KLHL29: variants seen among roughly 807,000 people sequenced by gnomAD.
The protein encoded by KLHL29 is kelch-like protein 29.
KLHL29 carries 21 observed loss-of-function variants against 80.4 expected under a neutral mutation model. The observed-to-expected ratio is 0.26, with a 90% CI of 0.19 to 0.38. The LOEUF (loss-of-function observed/expected upper bound fraction) is 0.38. Among genes scored for constraint, KLHL29 ranks in the 10% least tolerant of loss-of-function variants. The pLI is 1.00. For synonymous variants in KLHL29, 511 were observed against 526.8 expected (o/e 0.97, Z 0.41); for missense variants, 867 against 1,223.9 (o/e 0.71, Z 4.35).
intron 2 of KLHL29, among the ~76,000 whole-genome samples, chr2:23,518,805 C>T (rs1381119368): frequency 6.6e-6 from 1 of 152,248 alleles, no homozygotes; most frequent in Non-Finnish European, 1.5e-5. Flanking sequence ...CACCCCACAG[C>T]TGTCCCTTTC....
chr2:23,556,593 C>T (rs1002942883), intron 2 of KLHL29, among the ~76,000 whole-genome samples: 5 of 151,438 alleles, frequency 3.3e-5, no homozygotes, highest in East Asian at 1.9e-4. Context: ...TTGGAGGTTG[C>T]GGTGAGCTGA....
At chr2:23,470,857 A>C (rs948899526) in intron 1 of KLHL29, among the ~76,000 whole-genome samples, 1 of 152,206 alleles carries the variant, frequency 6.6e-6, no homozygotes, top group Non-Finnish European at 1.5e-5. Context: ...ACTGTCGTGA[A>C]CCTGATGGAT....
intron 3 of KLHL29, among the ~76,000 whole-genome samples, chr2:23,613,636 C>T (rs1316100941): frequency 6.6e-5 from 10 of 151,740 alleles, no homozygotes; most frequent in Admixed American, 2.6e-4. Flanking sequence ...TGGTGGCACG[C>T]GCCTGTAATC....
chr2:23,470,289 A>G (rs1349092621), intron 1 of KLHL29, among the ~76,000 whole-genome samples: 1 of 152,122 alleles, frequency 6.6e-6, no homozygotes, highest in Non-Finnish European at 1.5e-5. Flanking sequence ...TTGCCTGGAA[A>G]GTTTCGTACT....
intron 3 of KLHL29, among the ~76,000 whole-genome samples, chr2:23,564,517 G>C (rs890203620): frequency 6.6e-6 from 1 of 152,214 alleles, no homozygotes; most frequent in Non-Finnish European, 1.5e-5. Context: ...ATTAAGCCCT[G>C]GTCCCTTGGT....
intron 1 of KLHL29, among the ~76,000 whole-genome samples, chr2:23,440,531 G>A (rs898993023): frequency 6.6e-6 from 1 of 152,108 alleles, no homozygotes; most frequent in Non-Finnish European, 1.5e-5. Context: ...TACCATCAGA[G>A]TGAACAGGCA....
At chr2:23,508,481 C>G (rs550196818) in intron 2 of KLHL29, among the ~76,000 whole-genome samples, 1 of 152,354 alleles carries the variant, frequency 6.6e-6, no homozygotes, top group East Asian at 1.9e-4. Context: ...GCTGTGCTGC[C>G]TTTGAGGACT....
rs771459787 is a variant in KLHL29 at position 23,643,053 on chromosome 2, CA to C, written c.940+206del. 4 of 721,912 alleles carry C rather than the reference CA, an allele frequency of 5.5e-6. No individual in the cohort carries two copies. The South Asian group carries it at 6.0e-5, about 11-fold the overall frequency. The allele number at this position is 721,912 out of a possible 1,614,324, so 44.7% of individuals were successfully genotyped here. On this transcript the variant is annotated intron_variant, in intron 5 of 13. Coordinates refer to ENST00000486442, the MANE Select transcript of KLHL29 (RefSeq NM_052920.2). ...GAGGGGGAAGGTGTGGAGGGCGGGA[CA>C]AACAAAGTGGGAAAATGCGCCGGGG...
intron 1 of KLHL29, among the ~76,000 whole-genome samples, chr2:23,422,205 AGT>A (rs768973546): frequency 2.2e-4 from 32 of 143,206 alleles, no homozygotes; most frequent in Non-Finnish European, 1.1e-4. Flanking sequence ...TCTGTATGCC[AGT>A]GTGTCTATGT....
intron 3 of KLHL29, chr2:23,616,808 C>T (rs946016933): frequency 6.6e-6 from 1 of 152,238 alleles, no homozygotes; most frequent in African/African-American, 2.4e-5. Flanking sequence ...GTGACTCTGG[C>T]ACCGTTCCCG....
At chr2:23,569,326 A>G (rs1667662275) in intron 3 of KLHL29, among the ~76,000 whole-genome samples, 2 of 152,184 alleles carry the variant, frequency 1.3e-5, no homozygotes, top group Non-Finnish European at 1.5e-5. Flanking sequence ...ACAGATTCGG[A>G]CAGCCTAGTG....
intron 1 of KLHL29, among the ~76,000 whole-genome samples, chr2:23,387,854 G>A (rs912137739): frequency 3.9e-5 from 6 of 152,094 alleles, no homozygotes; most frequent in African/African-American, 1.2e-4. Flanking sequence ...GAATTTAATG[G>A]CATTTAAATT....
At chr2:23,439,946 A>G (rs1558338946) in intron 1 of KLHL29, among the ~76,000 whole-genome samples, 1 of 151,320 alleles carries the variant, frequency 6.6e-6, no homozygotes, top group Non-Finnish European at 1.5e-5. Context: ...GTGGGAGTCT[A>G]AGTCTGTTTG....
intron 1 of KLHL29, among the ~76,000 whole-genome samples, chr2:23,423,835 C>T (rs1334982671): frequency 6.6e-6 from 1 of 152,228 alleles, no homozygotes; most frequent in African/African-American, 2.4e-5. Context: ...AGGCCAGGCT[C>T]CTCCACCACA....
At chr2:23,431,700 T>G (rs895464414) in intron 1 of KLHL29, among the ~76,000 whole-genome samples, 1 of 152,134 alleles carries the variant, frequency 6.6e-6, no homozygotes, top group Non-Finnish European at 1.5e-5. Context: ...GAGACCATCC[T>G]GGCTAACACG....
At chr2:23,603,968 G>A (rs2103525031) in intron 3 of KLHL29, among the ~76,000 whole-genome samples, 1 of 152,348 alleles carries the variant, frequency 6.6e-6, no homozygotes, top group Middle Eastern at 3.4e-3. Context: ...ATAGCACCAT[G>A]AAGTCGGTTC....
intron 1 of KLHL29, among the ~76,000 whole-genome samples, chr2:23,402,427 A>G (rs906723387): frequency 2.0e-5 from 3 of 152,238 alleles, no homozygotes; most frequent in South Asian, 2.1e-4. Flanking sequence ...TTTCCAGGAC[A>G]CTAACCTAGT....
Position 23,482,262 on chromosome 2 carries a change from G to A in KLHL29, c.-46+6595G>A, listed in dbSNP as rs535030495. On this transcript the variant is annotated intron_variant, in intron 2 of 13. Transcript: ENST00000486442. ...AGCTACAGAACCTTGTTTGGCACCT[G>A]GGCTAGAAATAGCTTCTCCACAAAC... Among the ~76,000 whole-genome samples, 1,100 of 152,282 alleles carry A rather than the reference G, an allele frequency of 7.2e-3. 12 individuals are homozygous for A. The highest frequency in any genetic ancestry group is 0.025 in the African/African-American group (1,054 of 41,556).
chr2:23,545,983 C>A (rs777977999), intron 2 of KLHL29, among the ~76,000 whole-genome samples: 1 of 152,212 alleles, frequency 6.6e-6, no homozygotes, highest in Non-Finnish European at 1.5e-5. Flanking sequence ...AGGGCCAGCC[C>A]TCTGTAAATG....
Sources: allele counts gnomAD v4.1 joint callset (sites outside exome capture counted in the v4.1 genomes callset), GRCh38; gene constraint gnomAD v4.1.1; transcripts MANE v1.5; gene names NCBI Gene and HGNC (gene_info 2026-07-23, HGNC 2026-07-21).